The following TBC1D22A variants were observed in gnomAD, a reference collection of about 807,000 sequenced individuals.
TBC1D22A encodes putative GTPase activator.
TBC1D22A carries 38 observed loss-of-function variants against 60.2 expected under a neutral mutation model. That is an observed-to-expected ratio of 0.63 (90% CI 0.49 to 0.83). The LOEUF (loss-of-function observed/expected upper bound fraction) is 0.83. TBC1D22A is among the 40% of genes least tolerant of loss of function. The probability of loss-of-function intolerance (pLI) is 0.00; values close to 1 mark genes in which losing one functional copy is unlikely to be tolerated. For synonymous variants in TBC1D22A, 302 were observed against 281.7 expected (o/e 1.07, Z -0.72); for missense variants, 628 against 701.0 (o/e 0.90, Z 1.18).
chr22:47,083,676 G>A (rs186720681), intron 11 of TBC1D22A, among the ~76,000 whole-genome samples: 66 of 152,268 alleles, frequency 4.3e-4, no homozygotes, highest in African/African-American at 1.5e-3. Context: ...TTGGCAGACC[G>A]TTTGCTTAAG....
At chr22:46,797,818 T>C (rs541916912) in intron 4 of TBC1D22A, among the ~76,000 whole-genome samples, 198 bp downstream of exon 4, 1 of 152,334 alleles carries the variant, frequency 6.6e-6, no homozygotes, top group South Asian at 2.1e-4. Context: ...TTTAGACAAG[T>C]TTTGTTAATG....
chr22:47,097,382 G>A (rs1250304832), intron 11 of TBC1D22A, among the ~76,000 whole-genome samples: 8 of 152,190 alleles, frequency 5.3e-5, no homozygotes, highest in South Asian at 4.1e-4. Context: ...TTGGGAGGCC[G>A]AGGCAGGTGG....
At chr22:46,978,500 T>C (rs1455980595) in intron 9 of TBC1D22A, among the ~76,000 whole-genome samples, 3 of 152,252 alleles carry the variant, frequency 2.0e-5, no homozygotes, top group Non-Finnish European at 2.9e-5. Context: ...AGAAGAATTC[T>C]TGTATCTACT....
chr22:46,897,971 A>AT (rs534709352), intron 7 of TBC1D22A, among the ~76,000 whole-genome samples: 227 of 152,302 alleles, frequency 1.5e-3, no homozygotes, highest in African/African-American at 5.0e-3. Flanking sequence ...AAAAGAGAAA[A>AT]TTAGTATCCA....
intron 11 of TBC1D22A, among the ~76,000 whole-genome samples, chr22:47,055,535 C>T (rs1049796940): frequency 1.3e-5 from 2 of 152,112 alleles, no homozygotes; most frequent in Non-Finnish European, 2.9e-5. Context: ...ATCGATAAGG[C>T]AAGAATTTGG....
In TBC1D22A at chr22:46,940,432, G is replaced by A. The variant is rs1037167426; in HGVS notation, c.1015+28244G>A. Among the ~76,000 whole-genome samples the A allele has an allele frequency of 3.3e-5, 5 of 151,130 alleles. No homozygotes were observed. The South Asian group carries it at 1.0e-3, about 32-fold the overall frequency. The stretch of plus-strand genomic sequence containing the variant: ...TATATACACAGTCCACCCTTGAACA[G>A]CATGGGGACTGGGGCACTAGAATAT... On this transcript the variant is annotated intron_variant, in intron 8 of 12. Coordinates refer to ENST00000337137, the MANE Select transcript of TBC1D22A (RefSeq NM_014346.5).
At chr22:47,010,050 G>T (rs1001721081) in intron 10 of TBC1D22A, among the ~76,000 whole-genome samples, 3 of 152,246 alleles carry the variant, frequency 2.0e-5, no homozygotes, top group Admixed American at 1.3e-4. Context: ...GGTTCCACCT[G>T]TGTGGGAAAC....
At chr22:46,852,311 G>T (rs1005166157) in intron 4 of TBC1D22A, among the ~76,000 whole-genome samples, 11 of 152,220 alleles carry the variant, frequency 7.2e-5, no homozygotes, top group Admixed American at 3.3e-4. Context: ...GAGAACTTTA[G>T]CACCTCCCCT....
chr22:47,161,028 G>T (rs2147204548), intron 12 of TBC1D22A, among the ~76,000 whole-genome samples: 1 of 152,280 alleles, frequency 6.6e-6, no homozygotes. Flanking sequence ...AAGAAGGGGG[G>T]CAGCCCACCT....
At chr22:47,117,153 C>T (rs116715335) in intron 12 of TBC1D22A, 3,418 of 154,246 alleles carry the variant, frequency 0.022, 115 homozygotes, top group African/African-American at 0.078. Flanking sequence ...AACTTGGCGC[C>T]GCGGGTGGAT....
intron 11 of TBC1D22A, among the ~76,000 whole-genome samples, chr22:47,052,914 G>A (rs2063275185): frequency 6.6e-6 from 1 of 152,222 alleles, no homozygotes; most frequent in South Asian, 2.1e-4. Flanking sequence ...CGTGTTGATG[G>A]TCTTGGGGTC....
chr22:46,831,491 GT>G (rs2086308191), intron 4 of TBC1D22A, among the ~76,000 whole-genome samples: 1 of 152,116 alleles, frequency 6.6e-6, no homozygotes, highest in African/African-American at 2.4e-5. Flanking sequence ...GTGTCCTTTG[GT>G]TCAAGATCAT....
chr22:47,156,985 G>A (rs936399118), intron 12 of TBC1D22A, among the ~76,000 whole-genome samples: 11 of 152,202 alleles, frequency 7.2e-5, no homozygotes, highest in Admixed American at 7.2e-4. Flanking sequence ...GTTGCACCTG[G>A]TACCATTCCC....
At chr22:46,863,669 A>G (rs1385729935) in intron 4 of TBC1D22A, among the ~76,000 whole-genome samples, 1 of 152,202 alleles carries the variant, frequency 6.6e-6, no homozygotes, top group African/African-American at 2.4e-5. Flanking sequence ...ATTGGAAACC[A>G]AAGGGGTCAT....
intron 8 of TBC1D22A, among the ~76,000 whole-genome samples, chr22:46,971,895 A>G (rs2074077154): frequency 6.6e-6 from 1 of 152,156 alleles, no homozygotes; most frequent in Non-Finnish European, 1.5e-5. Context: ...GAGACCAGAC[A>G]CCTTGCCACT....
chr22:46,795,279 T>C (rs1436100203), intron 3 of TBC1D22A, among the ~76,000 whole-genome samples: 1 of 152,196 alleles, frequency 6.6e-6, no homozygotes, highest in Non-Finnish European at 1.5e-5. Context: ...CATCTGCTCA[T>C]GGGTGGTGCT....
chr22:46,938,900 A>G (rs1337830466), intron 8 of TBC1D22A, among the ~76,000 whole-genome samples: 2 of 152,012 alleles, frequency 1.3e-5, no homozygotes, highest in Non-Finnish European at 2.9e-5. Context: ...ATTTCTCACT[A>G]TGGTAGAAAT....
chr22:47,037,270 T>C, intron 11 of TBC1D22A, 72 bp downstream of exon 11: 1 of 1,583,402 alleles, frequency 6.3e-7, no homozygotes, highest in South Asian at 1.1e-5. Flanking sequence ...CCTTCTGCCC[T>C]GGGCCTGTGT....
intron 10 of TBC1D22A, among the ~76,000 whole-genome samples, chr22:47,026,324 C>T (rs1482662321): frequency 6.6e-6 from 1 of 152,206 alleles, no homozygotes. Context: ...AATCGGAAAC[C>T]TGGGACAGTG....
Sources: allele counts gnomAD v4.1 joint callset (sites outside exome capture counted in the v4.1 genomes callset), GRCh38; gene constraint gnomAD v4.1.1; transcripts MANE v1.5; gene names NCBI Gene and HGNC (gene_info 2026-07-23, HGNC 2026-07-21).